IAH1: variants seen among roughly 807,000 people sequenced by gnomAD.
IAH1 encodes isoamyl acetate hydrolyzing esterase 1 (putative).
In IAH1, 24 loss-of-function variants were observed where a neutral mutation model predicts 26.7. The ratio of observed to expected loss-of-function variants is 0.90; its 90% CI spans 0.65 to 1.26. The LOEUF (loss-of-function observed/expected upper bound fraction) is 1.26, where lower values mean the gene tolerates loss of function less well. Among genes scored for constraint, IAH1 ranks in the 50% most tolerant of loss-of-function variants. The probability of loss-of-function intolerance (pLI) is 0.00; values close to 1 mark genes in which losing one functional copy is unlikely to be tolerated. For synonymous variants in IAH1, 140 were observed against 118.5 expected (o/e 1.18, Z -1.18); for missense variants, 300 against 299.9 (o/e 1.00, Z 0.00).
At chr2:9,479,488 T>G (rs1161703048) in intron 3 of IAH1, among the ~76,000 whole-genome samples, 1 of 152,102 alleles carries the variant, frequency 6.6e-6, no homozygotes, top group African/African-American at 2.4e-5. Context: ...AGGACAGGAA[T>G]AGATAAAAGG....
At chr2:9,477,061 A>T (rs1660846744) in intron 2 of IAH1, among the ~76,000 whole-genome samples, 1 of 152,194 alleles carries the variant, frequency 6.6e-6, no homozygotes. Context: ...ACTTCATTAA[A>T]GTATTGTGAT....
downstream of IAH1, among the ~76,000 whole-genome samples, chr2:9,500,968 C>T (rs561419004): frequency 6.6e-6 from 1 of 152,304 alleles, no homozygotes; most frequent in South Asian, 2.1e-4. Flanking sequence ...CATGGCTTTT[C>T]TGAACCATGT....
At chr2:9,483,514 C>T (rs191867160) in intron 4 of IAH1, among the ~76,000 whole-genome samples, 46 of 152,298 alleles carry the variant, frequency 3.0e-4, no homozygotes, top group African/African-American at 9.1e-4. Flanking sequence ...ATAGTTTCTT[C>T]GCTGTGATGT....
Position 9,488,501 on chromosome 2 carries a change from A to G in IAH1, c.*172A>G, listed in dbSNP as rs1449384458. The G allele has an allele frequency of 2.0e-6, 1 of 494,822 alleles. No individual in the cohort carries two copies. Among genetic ancestry groups the G allele is most frequent in the African/African-American group, 2.0e-5 (1 of 49,800 alleles). 30.7% of individuals were successfully genotyped at this position (494,822 alleles called of 1,614,324 possible). A position where few individuals can be genotyped will look rare whatever the true frequency, so the allele number is the denominator to read the frequency against. On this transcript the variant is annotated 3_prime_UTR_variant, in exon 6 of 6. Transcript: ENST00000497473. ...CTTAGGTCCATTGTGTTTCGACAGT[A>G]TTTATTAATGCAGATATCAGTGCTA...
chr2:9,497,108 G>T, downstream of IAH1: 1 of 1,613,028 alleles, frequency 6.2e-7, no homozygotes, highest in East Asian at 2.2e-5. Context: ...GAATAAAACT[G>T]CTCACCATTA....
At chr2:9,494,809 A>ACCTGCCTCTCCT in exon 6 of IAH1, 8 of 1,603,578 alleles carry the variant, frequency 5.0e-6, no homozygotes, top group Non-Finnish European at 6.8e-6. Flanking sequence ...TTGTTCTGAG[A>ACCTGCCTCTCCT]CCTGCCTCTC....
At chr2:9,508,013 G>A in the IAH1 span, among the ~76,000 whole-genome samples, 1 of 152,128 alleles carries the variant, frequency 6.6e-6, no homozygotes, top group African/African-American at 2.4e-5. Context: ...TGCCTCACTG[G>A]CAAGTTCTTA....
downstream of IAH1, chr2:9,491,235 C>T: frequency 7.9e-7 from 1 of 1,271,502 alleles, no homozygotes; most frequent in Non-Finnish European, 1.1e-6. Flanking sequence ...ATTCCTAACA[C>T]TAACTGAAGA....
At chr2:9,483,888 C>T (rs1232461639) in intron 4 of IAH1, among the ~76,000 whole-genome samples, 1 of 152,204 alleles carries the variant, frequency 6.6e-6, no homozygotes, top group African/African-American at 2.4e-5. Flanking sequence ...AGCTTCAGGA[C>T]GGTTAAGCTG....
At chr2:9,503,452 T>TAAA in the IAH1 span, among the ~76,000 whole-genome samples, 2 of 152,242 alleles carry the variant, frequency 1.3e-5, no homozygotes, top group African/African-American at 4.8e-5. Context: ...GACTGTCATT[T>TAAA]TGATTGTTTC....
At chr2:9,512,281 A>C in the IAH1 span, 1 of 152,180 alleles carries the variant, frequency 6.6e-6, no homozygotes, top group Non-Finnish European at 1.5e-5. Flanking sequence ...CAAAAATTTC[A>C]AATCAAATTT....
chr2:9,483,878 A>G (rs1661328316), intron 4 of IAH1, among the ~76,000 whole-genome samples: 1 of 152,252 alleles, frequency 6.6e-6, no homozygotes, highest in Non-Finnish European at 1.5e-5. Context: ...GAATGCAGAA[A>G]GCTTCAGGAC....
chr2:9,484,624 T>C (rs779884271), intron 5 of IAH1, 74 bp downstream of exon 5: 9 of 1,019,684 alleles, frequency 8.8e-6, no homozygotes, highest in Non-Finnish European at 1.4e-5. Flanking sequence ...GTGCAGCAGC[T>C]TTCCCTAGAA....
chr2:9,489,238 T>G lies in IAH1; in HGVS notation c.*909T>G, dbSNP rs13008101. On this transcript the variant is annotated 3_prime_UTR_variant, in exon 6 of 6. Coordinates refer to ENST00000497473, the MANE Select transcript of IAH1 (RefSeq NM_001039613.3). ...ACAGGCAATCTTTGTATTTTAAATA[T>G]TCTAGGTTTGTAGATAGTGAATTTT... is the stretch of plus-strand genomic sequence containing the variant. The G allele has an allele frequency of 0.42, 62,378 of 147,508 alleles. 14,435 individuals carry two copies. The highest frequency in any genetic ancestry group is 0.62 in the Middle Eastern group (180 of 290). 9.1% of individuals were successfully genotyped at this position (147,508 alleles called of 1,614,324 possible).
At chr2:9,477,045 C>T (rs1356340338) in intron 2 of IAH1, among the ~76,000 whole-genome samples, 1 of 152,172 alleles carries the variant, frequency 6.6e-6, no homozygotes, top group Admixed American at 6.5e-5. Flanking sequence ...CCACACCCAG[C>T]CCAGCACTTC....
downstream of IAH1, among the ~76,000 whole-genome samples, chr2:9,499,241 T>C (rs565724072): frequency 1.5e-4 from 23 of 152,176 alleles, no homozygotes; most frequent in East Asian, 3.7e-3. Context: ...CAAAAGGCTG[T>C]TTGATAAGAA....
chr2:9,508,737 C>A, the IAH1 span, among the ~76,000 whole-genome samples: 2 of 152,116 alleles, frequency 1.3e-5, no homozygotes, highest in African/African-American at 4.8e-5. Context: ...ACATCCCCCG[C>A]CCCGCAGCAG....
At position 9,485,839 on chromosome 2, in the gene IAH1, C is replaced by T. The variant is rs72775291; in HGVS notation, c.564+1289C>T. 1,248 of 152,348 alleles carry T rather than the reference C, an allele frequency of 8.2e-3. 7 individuals are homozygous for T. Among genetic ancestry groups the T allele is most frequent in the Admixed American group, 0.017 (264 of 15,292 alleles). The allele number at this position is 152,348 out of a possible 1,614,324, so 9.4% of individuals were successfully genotyped here. ...TTTGTAAAGAGCTTGTTCAGTAGGG[C>T]ACATTAAAGGCTACTTCATTGCTAT... On this transcript the variant is annotated intron_variant, in intron 5 of 5. Transcript: ENST00000497473.
downstream of IAH1, chr2:9,490,265 G>A (rs572250428): frequency 1.4e-5 from 22 of 1,613,946 alleles, no homozygotes; most frequent in East Asian, 6.7e-5. Context: ...CGGATGGTCC[G>A]TGAGATCCTC....
Sources: allele counts gnomAD v4.1 joint callset (sites outside exome capture counted in the v4.1 genomes callset), GRCh38; gene constraint gnomAD v4.1.1; transcripts MANE v1.5; gene names NCBI Gene and HGNC (gene_info 2026-07-23, HGNC 2026-07-21).